The following PKD1L3 variants were observed in gnomAD, a reference collection of about 807,000 sequenced individuals.
PKD1L3 encodes polycystin-1-like protein 3.
PKD1L3 carries 239 observed loss-of-function variants against 184.1 expected under a neutral mutation model. The ratio of observed to expected loss-of-function variants is 1.30; its 90% confidence interval spans 1.17 to 1.45. The LOEUF is 1.45. Among genes scored for constraint, PKD1L3 ranks in the 40% most tolerant of loss-of-function variants. The pLI, the probability that PKD1L3 is intolerant of heterozygous loss-of-function variation, is 0.00. For synonymous variants in PKD1L3, 996 were observed against 778.8 expected, an observed-to-expected ratio of 1.28 and a Z score of -4.64; for missense variants, 2,660 against 2,067.2, an observed-to-expected ratio of 1.29 and a Z score of -5.56.
At position 71,984,028 on chromosome 16, in the gene PKD1L3, C is replaced by A; in HGVS notation, c.966+8G>T. ...TACCTTCTTCCCTCCCAGTCACCCT[C>A]CACTTACCTGAGCTGGCTTAGAAAA... is the stretch of plus-strand genomic sequence containing the variant. On this transcript the variant is annotated splice_region_variant and intron_variant, in intron 6 of 29. Coordinates refer to ENST00000620267, the MANE Select transcript of PKD1L3 (RefSeq NM_181536.2). 6.4e-7 allele frequency: 1 copy of A among 1,551,756 alleles called. No homozygotes were observed. Among genetic ancestry groups the A allele is most frequent in the Non-Finnish European group, 8.7e-7 (1 of 1,146,754 alleles).
intron 28 of PKD1L3, chr16:71,931,335 C>T (rs2037954481): frequency 6.6e-6 from 1 of 152,102 alleles, no homozygotes; most frequent in African/African-American, 2.4e-5. Flanking sequence ...TACAGTTGTC[C>T]CTTAGTATCT....
intron 15 of PKD1L3, among the ~76,000 whole-genome samples, chr16:71,966,098 G>A (rs1285618771): frequency 6.6e-6 from 1 of 151,950 alleles, no homozygotes; most frequent in Non-Finnish European, 1.5e-5. Flanking sequence ...GGGGAAAAAT[G>A]TATTTTGCTA....
chr16:71,981,038 G>A (rs1456497704), intron 7 of PKD1L3, among the ~76,000 whole-genome samples: 1 of 152,124 alleles, frequency 6.6e-6, no homozygotes, highest in Non-Finnish European at 1.5e-5. Context: ...GCTCATGTTG[G>A]AGCATGTACC....
At chr16:71,981,991 G>A (rs1028230028) in intron 7 of PKD1L3, 68 bp downstream of exon 7, 9 of 1,384,016 alleles carry the variant, frequency 6.5e-6, no homozygotes, top group Non-Finnish European at 7.7e-6. Flanking sequence ...GAGAGGCTGT[G>A]ATACCTGGAC....
At chr16:71,991,759 T>C (rs887433866) in intron 3 of PKD1L3, among the ~76,000 whole-genome samples, 13 of 152,254 alleles carry the variant, frequency 8.5e-5, no homozygotes, top group African/African-American at 2.9e-4. Context: ...TGTAGCATCA[T>C]GTTCTAAGCA....
Position 71,978,135 on chromosome 16 carries a change from T to C in PKD1L3, c.1527+120A>G, listed in dbSNP as rs576702363. Reference sequence around the variant, plus strand: ...TTTGTAAAAGTTCCTAAGATGTTAATAACAAAACAATGGCACTGCCATCAA... The same window carrying C: ...TTTGTAAAAGTTCCTAAGATGTTAACAACAAAACAATGGCACTGCCATCAA... On this transcript the variant is annotated intron_variant, in intron 10 of 29. Coordinates refer to ENST00000620267, the MANE Select transcript of PKD1L3 (RefSeq NM_181536.2). 108 of 1,212,146 alleles carry C rather than the reference T, an allele frequency of 8.9e-5. No individual in the cohort carries two copies. In the South Asian group the frequency reaches 1.4e-3, roughly 16 times the overall value. The allele number at this position is 1,212,146 out of a possible 1,614,324, so 75.1% of individuals were successfully genotyped here.
chr16:71,948,768 T>C (rs1462056472), intron 21 of PKD1L3, among the ~76,000 whole-genome samples: 1 of 127,726 alleles, frequency 7.8e-6, no homozygotes, highest in Non-Finnish European at 1.6e-5. Context: ...TTACAGGTTT[T>C]GCTTTAAAAA....
At position 71,963,157 on chromosome 16, in the gene PKD1L3, A is replaced by G. The variant is rs755827904; in HGVS notation, c.2612+48T>C. 2.2e-5 allele frequency: 32 copies of G among 1,466,352 alleles called. 1 individual carries two copies. In the South Asian group the frequency reaches 4.0e-4, roughly 19 times the overall value. The allele number at this position is 1,466,352 out of a possible 1,614,324, so 90.8% of individuals were successfully genotyped here. On this transcript the variant is annotated intron_variant, in intron 16 of 29. Transcript: ENST00000620267. ...CAATTCAATCGTGAACAATTCAATTAATAGTGAACATCAATATTCACTGTT... is the reference window on the plus strand; with the variant it reads ...CAATTCAATCGTGAACAATTCAATTGATAGTGAACATCAATATTCACTGTT...
intron 6 of PKD1L3, among the ~76,000 whole-genome samples, chr16:71,982,894 A>G (rs1402463483): frequency 6.6e-6 from 1 of 152,104 alleles, no homozygotes; most frequent in Non-Finnish European, 1.5e-5. Flanking sequence ...CACCTAGCAC[A>G]TGATTATTTT....
At chr16:71,967,559 A>C (rs1004370662) in intron 14 of PKD1L3, among the ~76,000 whole-genome samples, 1 of 152,074 alleles carries the variant, frequency 6.6e-6, no homozygotes, top group Non-Finnish European at 1.5e-5. Flanking sequence ...CTGCCTCCCA[A>C]GTTGAAGCAA....
intron 18 of PKD1L3, 105 bp downstream of exon 18, chr16:71,952,789 G>T: frequency 8.2e-7 from 1 of 1,218,332 alleles, no homozygotes; most frequent in Non-Finnish European, 1.1e-6. Flanking sequence ...AGTGAGCCGA[G>T]GTTGCACCAC....
At chr16:71,960,753 T>C (rs1295703845) in intron 16 of PKD1L3, among the ~76,000 whole-genome samples, 1 of 152,180 alleles carries the variant, frequency 6.6e-6, no homozygotes, top group African/African-American at 2.4e-5. Context: ...AATATGTCTA[T>C]ATATGTTTTA....
chr16:71,976,805 C>T (rs894579672), intron 11 of PKD1L3, among the ~76,000 whole-genome samples: 7 of 152,030 alleles, frequency 4.6e-5, no homozygotes, highest in Non-Finnish European at 7.4e-5. Flanking sequence ...TGCAGTGGCA[C>T]GGTGTCAGCT....
intron 26 of PKD1L3, among the ~76,000 whole-genome samples, chr16:71,934,656 T>G (rs1430560385): frequency 6.6e-6 from 1 of 152,052 alleles, no homozygotes; most frequent in Non-Finnish European, 1.5e-5. Flanking sequence ...GAGAGAGACA[T>G]TCATAATTTT....
At chr16:71,983,568 C>G (rs545028159) in intron 6 of PKD1L3, among the ~76,000 whole-genome samples, 1 of 151,810 alleles carries the variant, frequency 6.6e-6, no homozygotes, top group African/African-American at 2.4e-5. Flanking sequence ...TCATAACTTT[C>G]CAGATTTAAA....
Position 71,979,803 on chromosome 16 carries a change from G to A in PKD1L3, c.1381C>T (p.Pro461Ser). Residue 461 changes from proline (P) to serine (S), a missense_variant, in exon 9 of 30, where the codon CCA becomes TCA. Pro to Ser is a moderately conservative substitution (Grantham distance 74). Transcript: ENST00000620267. ...ACACTCACTTGGACATTAACTCCTG[G>A]ATGTTTATTCAAGAGCTCCTTCAAA... ...LALKELLNKH[P>S]GVNVQITGLA... 13 of 1,507,892 alleles carry A rather than the reference G, an allele frequency of 8.6e-6. No individual in the cohort carries two copies. The highest frequency in any genetic ancestry group is 1.4e-5 in the African/African-American group (1 of 70,368). The allele number at this position is 1,507,892 out of a possible 1,614,324, so 93.4% of individuals were successfully genotyped here. A position where few individuals can be genotyped will look rare whatever the true frequency, so the allele number is the denominator to read the frequency against.
chr16:71,931,573 T>G (rs1193140362), intron 28 of PKD1L3, among the ~76,000 whole-genome samples: 1 of 149,894 alleles, frequency 6.7e-6, no homozygotes. Flanking sequence ...CAAGCGATTC[T>G]CCTCAGTCAG....
chr16:71,989,212 T>C (rs2040493998), intron 4 of PKD1L3, among the ~76,000 whole-genome samples: 1 of 152,234 alleles, frequency 6.6e-6, no homozygotes, highest in Admixed American at 6.5e-5. Flanking sequence ...TGGAGTGCAA[T>C]GGCACAATCT....
chr16:71,984,174 G>A lies in PKD1L3; in HGVS notation c.835-7C>T. 6.4e-7 allele frequency: 1 copy of A among 1,550,550 alleles called. No individual in the cohort carries two copies. Among genetic ancestry groups the A allele is most frequent in the South Asian group, 1.2e-5 (1 of 84,006 alleles). On this transcript the variant is annotated splice_region_variant and splice_polypyrimidine_tract_variant and intron_variant, in intron 5 of 29. Coordinates refer to ENST00000620267, the MANE Select transcript of PKD1L3 (RefSeq NM_181536.2). ...CTGCTATCTCATCTATGACCTATTGGGAACAAAGAAGTTGTCAAAATTACT... is the reference window on the plus strand; with the variant it reads ...CTGCTATCTCATCTATGACCTATTGAGAACAAAGAAGTTGTCAAAATTACT...
Sources: allele counts gnomAD v4.1 joint callset (sites outside exome capture counted in the v4.1 genomes callset), GRCh38; gene constraint gnomAD v4.1.1; transcripts MANE v1.5; gene names NCBI Gene and HGNC (gene_info 2026-07-23, HGNC 2026-07-21).